The following SNAP91 variants were observed in gnomAD, a reference collection of about 807,000 sequenced individuals.
SNAP91 encodes the protein clathrin coat assembly protein AP180.
A neutral mutation model predicts 100.3 loss-of-function variants in SNAP91; 27 were observed. The ratio of observed to expected loss-of-function variants is 0.27; its 90% CI spans 0.20 to 0.37. The LOEUF is 0.37. Ranked by LOEUF, SNAP91 falls within the 10% of genes least tolerant of loss-of-function variation. The pLI is 1.00. For missense variants in SNAP91, 986 were observed against 1,123.7 expected (o/e 0.88, Z 1.75); for synonymous variants, 404 against 398.6 (o/e 1.01, Z -0.16).
At chr6:83,605,274 A>C (rs2095539377) in intron 14 of SNAP91, among the ~76,000 whole-genome samples, 3 of 152,180 alleles carry the variant, frequency 2.0e-5, no homozygotes, top group Non-Finnish European at 2.9e-5. Flanking sequence ...TCCAGGAACG[A>C]GGCTACACCT....
At chr6:83,664,741 G>A (rs1410158750) in intron 3 of SNAP91, among the ~76,000 whole-genome samples, 1 of 152,136 alleles carries the variant, frequency 6.6e-6, no homozygotes, top group East Asian at 1.9e-4. Flanking sequence ...GCAATAGCAA[G>A]GTTTGAGAGG....
intron 2 of SNAP91, among the ~76,000 whole-genome samples, chr6:83,674,360 G>A (rs2098830745): frequency 1.3e-5 from 2 of 152,062 alleles, no homozygotes; most frequent in Non-Finnish European, 2.9e-5. Context: ...CTTGAACCAG[G>A]GAGGCAGAGG....
At chr6:83,662,953 G>A (rs1210267156) in intron 3 of SNAP91, among the ~76,000 whole-genome samples, 1 of 151,944 alleles carries the variant, frequency 6.6e-6, no homozygotes, top group African/African-American at 2.4e-5. Context: ...GTCTATCAGT[G>A]CTCACTTTGT....
chr6:83,639,334 CAT>C lies in SNAP91; in HGVS notation c.765+1760_765+1761del, dbSNP rs2097583063. On this transcript the variant is annotated intron_variant, in intron 8 of 29. Transcript: ENST00000369694. ...AAACCACTCAACACTGGTATTCAAA[CAT>C]TGTGTGTCCAAATTATGAACAATGT... Among the ~76,000 whole-genome samples, 7 of 152,206 alleles carry C rather than the reference CAT, an allele frequency of 4.6e-5. No homozygotes were observed. The South Asian group carries it at 1.5e-3, about 32-fold the overall frequency.
chr6:83,656,739 G>T lies in SNAP91; in HGVS notation c.658+15C>A. The stretch of plus-strand genomic sequence containing the variant: ...TATCCCATCAGCCCAGACATGTTTC[G>T]GTTGTTCCACCTACCGAGTAAGTTA... On this transcript the variant is annotated intron_variant, in intron 7 of 29. Transcript: ENST00000369694. 1.6e-6 allele frequency: 2 copies of T among 1,250,628 alleles called. No individual in the cohort carries two copies. The highest frequency in any genetic ancestry group is 1.3e-5 in the South Asian group (1 of 77,706). 77.5% of individuals were successfully genotyped at this position (1,250,628 alleles called of 1,614,324 possible). A position where few individuals can be genotyped will look rare whatever the true frequency, so the allele number is the denominator to read the frequency against.
chr6:83,678,342 C>T (rs564198615), intron 2 of SNAP91, among the ~76,000 whole-genome samples: 4 of 152,198 alleles, frequency 2.6e-5, no homozygotes, highest in Admixed American at 2.0e-4. Context: ...CACAACCCAT[C>T]ACTTCCTACT....
At chr6:83,640,757 A>G (rs1156917096) in intron 8 of SNAP91, among the ~76,000 whole-genome samples, 1 of 152,226 alleles carries the variant, frequency 6.6e-6, no homozygotes, top group Non-Finnish European at 1.5e-5. Flanking sequence ...CTAAGGTTCA[A>G]TGAAAATAAA....
At chr6:83,613,169 C>A (rs2096262365) in intron 11 of SNAP91, among the ~76,000 whole-genome samples, 1 of 152,064 alleles carries the variant, frequency 6.6e-6, no homozygotes, top group Admixed American at 6.6e-5. Flanking sequence ...ACAAACAAAA[C>A]CCTCCTACTG....
intron 8 of SNAP91, among the ~76,000 whole-genome samples, chr6:83,627,957 T>C: frequency 6.6e-6 from 1 of 151,668 alleles, no homozygotes; most frequent in Non-Finnish European, 1.5e-5. Flanking sequence ...CCCATCACCA[T>C]AGTAGTGTAC....
Position 83,594,366 on chromosome 6 carries a change from A to G in SNAP91, c.1432+8T>C. 1 of 1,550,040 alleles carries G rather than the reference A, an allele frequency of 6.5e-7. No homozygotes were observed. Among genetic ancestry groups the G allele is most frequent in the East Asian group, 2.4e-5 (1 of 40,994 alleles). ...GAATAACAGACTGGCTAATGACTTT[A>G]AACCCACCATTTCCTGAACATGCAT... is the stretch of plus-strand genomic sequence containing the variant. On this transcript the variant is annotated splice_region_variant and intron_variant, in intron 17 of 29. Coordinates refer to ENST00000369694, the MANE Select transcript of SNAP91 (RefSeq NM_001242792.2).
chr6:83,601,186 A>AT (rs1440410576), intron 16 of SNAP91, 85 bp downstream of exon 16: 79 of 1,301,234 alleles, frequency 6.1e-5, no homozygotes, highest in Middle Eastern at 1.9e-4. Context: ...ATGCTGTTAC[A>AT]TAACGGAAAA....
At chr6:83,622,192 T>C (rs1277101664) in intron 9 of SNAP91, among the ~76,000 whole-genome samples, 1 of 152,092 alleles carries the variant, frequency 6.6e-6, no homozygotes, top group East Asian at 1.9e-4. Context: ...GAAAAAGAAC[T>C]GCTTCTCAAC....
chr6:83,704,705 C>T (rs1419236580), intron 2 of SNAP91, among the ~76,000 whole-genome samples: 1 of 151,380 alleles, frequency 6.6e-6, no homozygotes, highest in Non-Finnish European at 1.5e-5. Flanking sequence ...AAAAAAATGA[C>T]AGGACCATAA....
chr6:83,702,814 T>G (rs2099330231), intron 2 of SNAP91, among the ~76,000 whole-genome samples: 1 of 152,224 alleles, frequency 6.6e-6, no homozygotes, highest in Middle Eastern at 3.4e-3. Flanking sequence ...AAAAAACCCC[T>G]ATTGTTCCAC....
Position 83,601,251 on chromosome 6 carries a change from T to C in SNAP91, c.1324+20A>G. 1.2e-6 allele frequency: 2 copies of C among 1,611,410 alleles called. No homozygotes were observed. The highest frequency in any genetic ancestry group is 4.5e-5 in the East Asian group (2 of 44,834). On this transcript the variant is annotated intron_variant, in intron 16 of 29. Coordinates refer to ENST00000369694, the MANE Select transcript of SNAP91 (RefSeq NM_001242792.2). Reference sequence around the variant, plus strand: ...TTTAGCAATCCTGAAAAAATGAAAGTAGCAGCGAGACTAACTAACCTCCAA... The same window carrying C: ...TTTAGCAATCCTGAAAAAATGAAAGCAGCAGCGAGACTAACTAACCTCCAA...
At chr6:83,701,804 T>C (rs1456601565) in intron 2 of SNAP91, among the ~76,000 whole-genome samples, 1 of 152,210 alleles carries the variant, frequency 6.6e-6, no homozygotes, top group Non-Finnish European at 1.5e-5. Flanking sequence ...AGAAGGCTTC[T>C]GTCTGTACAC....
chr6:83,591,389 T>C (rs1490010715), intron 21 of SNAP91, 95 bp from the exon 22 acceptor site: 6 of 810,382 alleles, frequency 7.4e-6, no homozygotes, highest in Admixed American at 1.8e-5. Flanking sequence ...TGCAGAGACA[T>C]GACAGTGTAC....
chr6:83,681,152 A>G (rs2098983753), intron 2 of SNAP91, among the ~76,000 whole-genome samples: 2 of 152,274 alleles, frequency 1.3e-5, no homozygotes. Context: ...ATATGAAATT[A>G]CCTTTTTTGT....
rs545617146 is a variant in SNAP91 at position 83,649,148 on chromosome 6, A to G, written c.658+7606T>C. ...CAAATTACTCCAAAATTTAGCAGTT[A>G]AAGCAACAAATAAATTTCTGGTCTC... On this transcript the variant is annotated intron_variant, in intron 7 of 29. Coordinates refer to ENST00000369694, the MANE Select transcript of SNAP91 (RefSeq NM_001242792.2). Among the ~76,000 whole-genome samples, 3 of 152,352 alleles carry G rather than the reference A, an allele frequency of 2.0e-5. No individual in the cohort carries two copies. The South Asian group carries it at 6.2e-4, about 32-fold the overall frequency.
Sources: allele counts gnomAD v4.1 joint callset (sites outside exome capture counted in the v4.1 genomes callset), GRCh38; gene constraint gnomAD v4.1.1; transcripts MANE v1.5; gene names NCBI Gene and HGNC (gene_info 2026-07-23, HGNC 2026-07-21).